GOLGA6A: variants seen among roughly 807,000 people sequenced by gnomAD.
GOLGA6A encodes the protein golgin A6 family member A, also known as golgin subfamily A member 6A.
In GOLGA6A, 1 loss-of-function variant was observed where a neutral mutation model predicts 53.6. The ratio of observed to expected loss-of-function variants is 0.02; its 90% CI spans 0.01 to 0.09. GOLGA6A has a LOEUF of 0.09. Among genes scored for constraint, GOLGA6A ranks in the 10% least tolerant of loss-of-function variants. The pLI is 1.00. For missense variants in GOLGA6A, 23 were observed against 509.4 expected (o/e 0.05, Z 9.19); for synonymous variants, 6 against 201.8 (o/e 0.03, Z 8.22).
rs772678720 is a variant in GOLGA6A at position 74,075,994 on chromosome 15, T to C, written c.565-9A>G. ...TCTCTGCAGCTCGAGGACTGGATGG[T>C]GAAGAGTGAGAAGTTTTGATCTGGG... On this transcript the variant is annotated splice_polypyrimidine_tract_variant and intron_variant, in intron 7 of 17. Coordinates refer to ENST00000290438, the MANE Select transcript of GOLGA6A (RefSeq NM_001038640.2). The C allele has an allele frequency of 1.2e-5, 20 of 1,606,350 alleles. No individual in the cohort carries two copies. The South Asian group carries it at 2.2e-4, about 18-fold the overall frequency.
chr15:74,073,172 A>G (rs1434694893), intron 12 of GOLGA6A, among the ~76,000 whole-genome samples: 1 of 151,678 alleles, frequency 6.6e-6, no homozygotes, highest in Non-Finnish European at 1.5e-5. Context: ...GCTGGCTTCC[A>G]GATTCTGGGC....
In GOLGA6A at chr15:74,071,236, CA is replaced by C; in HGVS notation, c.1841del (p.Val614GlyfsTer43). The C allele has an allele frequency of 9.3e-7, 1 of 1,071,962 alleles. No individual in the cohort carries two copies. The highest frequency in any genetic ancestry group is 1.4e-6 in the Non-Finnish European group (1 of 722,092). The allele number at this position is 1,071,962 out of a possible 1,614,324, so 66.4% of individuals were successfully genotyped here. A position where few individuals can be genotyped will look rare whatever the true frequency, so the allele number is the denominator to read the frequency against. ...LELQELVLPL[V>X]GNHEGHGKFL... Reference sequence around the variant, plus strand: ...ATTTGCCATGCCCCTCATGGTTGCCCACAAGGGGCAACACCAACTCTTGCAG... The same window carrying C: ...ATTTGCCATGCCCCTCATGGTTGCCCCAAGGGGCAACACCAACTCTTGCAG... On this transcript the variant is annotated frameshift_variant, in exon 17 of 18. Coordinates refer to ENST00000290438, the MANE Select transcript of GOLGA6A (RefSeq NM_001038640.2). LOFTEE classifies it high-confidence loss of function.
chr15:74,076,662 C>CACACA (rs1389139330), intron 7 of GOLGA6A, among the ~76,000 whole-genome samples: 4 of 146,008 alleles, frequency 2.7e-5, no homozygotes, highest in Non-Finnish European at 3.0e-5. Context: ...ACACACACAC[C>CACACA]CCTTTCCTCT....
At chr15:74,076,259 T>C (rs2071978257) in intron 7 of GOLGA6A, among the ~76,000 whole-genome samples, 1 of 146,008 alleles carries the variant, frequency 6.8e-6, no homozygotes, top group Non-Finnish European at 1.5e-5. Flanking sequence ...CTTCACCAGG[T>C]TCCATGCTAG....
intron 7 of GOLGA6A, among the ~76,000 whole-genome samples, chr15:74,076,662 C>CACACACA (rs1389139330): frequency 4.1e-4 from 60 of 145,570 alleles, no homozygotes; most frequent in Middle Eastern, 3.8e-3. Flanking sequence ...ACACACACAC[C>CACACACA]CCTTTCCTCT....
rs1433424761 is a variant in GOLGA6A at position 74,072,232 on chromosome 15, T to G, written c.1579A>C (p.Ser527Arg). The change falls in exon 14 of 18, where the codon AGC becomes CGC. Residue 527 changes from serine to arginine, a missense_variant. Physicochemically the swap from Ser to Arg is moderately radical, Grantham distance 110. Coordinates refer to ENST00000290438, the MANE Select transcript of GOLGA6A (RefSeq NM_001038640.2). ...PTPNIPEDLESREATSSFMDL... is the reference protein window; with the variant it reads ...PTPNIPEDLERREATSSFMDL... ...GTCAGGCTCACCGTGGCCTCCCGGCTCTCCAGGTCCTCTGGGATGTTTGGC... is the reference window on the plus strand; with the variant it reads ...GTCAGGCTCACCGTGGCCTCCCGGCGCTCCAGGTCCTCTGGGATGTTTGGC... 6.2e-7 allele frequency: 1 copy of G among 1,608,280 alleles called. No individual in the cohort carries two copies. Among genetic ancestry groups the G allele is most frequent in the Non-Finnish European group, 8.5e-7 (1 of 1,179,034 alleles).
intron 7 of GOLGA6A, among the ~76,000 whole-genome samples, chr15:74,076,623 T>TACACACACACACACAC (rs368556511): frequency 2.8e-5 from 4 of 140,754 alleles, no homozygotes; most frequent in African/African-American, 5.2e-5. Flanking sequence ...ATTATCATAG[T>TACACACACACACACAC]ACACACACAC....
chr15:74,075,964 C>T lies in GOLGA6A; in HGVS notation c.586G>A (p.Val196Ile). 1 of 1,599,318 alleles carries T rather than the reference C, an allele frequency of 6.3e-7. No individual in the cohort carries two copies. Among genetic ancestry groups the T allele is most frequent in the Non-Finnish European group, 8.5e-7 (1 of 1,172,798 alleles). Residue 196 changes from valine to isoleucine, a missense_variant, in exon 8 of 18, where the codon GTC becomes ATC. Transcript: ENST00000290438. ...GTCTGCTGTAACCACCGCTGGAGGA[C>T]CGCTTCTCTGCAGCTCGAGGACTGG... ...EDRSSSCREA[V>I]LQRWLQQTIK... is the part of the protein sequence containing the mutation.
chr15:74,080,311 A>T (rs1359998315), intron 2 of GOLGA6A, among the ~76,000 whole-genome samples: 1 of 152,392 alleles, frequency 6.6e-6, no homozygotes, highest in South Asian at 2.1e-4. Context: ...AACAGCAATG[A>T]CCATTTCCTG....
chr15:74,073,167 C>T (rs1484655343), intron 12 of GOLGA6A, among the ~76,000 whole-genome samples: 1 of 151,696 alleles, frequency 6.6e-6, no homozygotes, highest in East Asian at 1.9e-4. Flanking sequence ...TGGCGGCTGG[C>T]TTCCAGATTC....
intron 2 of GOLGA6A, among the ~76,000 whole-genome samples, chr15:74,079,987 T>TA (rs1389805133): frequency 5.0e-4 from 35 of 70,692 alleles, no homozygotes; most frequent in East Asian, 9.4e-4. Flanking sequence ...CCACCTCCAT[T>TA]AAAAAAAAAC....
At position 74,072,835 on chromosome 15, in the gene GOLGA6A, A is replaced by G; in HGVS notation, c.1426-18T>C. ...AGGTGCTCCTAAGGGGACGGGAAAC[A>G]GAGTGAGAAGGCACGGAGGTTGCCA... is the stretch of plus-strand genomic sequence containing the variant. On this transcript the variant is annotated intron_variant, in intron 12 of 17. Coordinates refer to ENST00000290438, the MANE Select transcript of GOLGA6A (RefSeq NM_001038640.2). 6.3e-7 allele frequency: 1 copy of G among 1,598,036 alleles called. No individual in the cohort carries two copies. Among genetic ancestry groups the G allele is most frequent in the Non-Finnish European group, 8.5e-7 (1 of 1,173,664 alleles).
chr15:74,079,987 TA>T (rs1389805133), intron 2 of GOLGA6A, among the ~76,000 whole-genome samples: 3 of 70,720 alleles, frequency 4.2e-5, no homozygotes, highest in Admixed American at 1.7e-4. Context: ...CCACCTCCAT[TA>T]AAAAAAAACA....
Position 74,074,502 on chromosome 15 carries a change from G to GA in GOLGA6A, c.1346dup (p.Glu450ArgfsTer61). 4.1e-6 allele frequency: 1 copy of GA among 244,450 alleles called. No homozygotes were observed. The highest frequency in any genetic ancestry group is 6.9e-6 in the Non-Finnish European group (1 of 144,812). The allele number at this position is 244,450 out of a possible 1,614,324, so 15.1% of individuals were successfully genotyped here. On this transcript the variant is annotated frameshift_variant, in exon 11 of 18. Transcript: ENST00000290438. LOFTEE classifies it high-confidence loss of function. ...AGGTGGGGCAACCCACCAGATCCTC[G>GA]AAGCTGCACTGTGGCTCGGCCAGCT...
At chr15:74,072,002 C>T (rs1163281262) in intron 14 of GOLGA6A, among the ~76,000 whole-genome samples, 1 of 152,146 alleles carries the variant, frequency 6.6e-6, no homozygotes, top group African/African-American at 2.4e-5. Context: ...GGGGCATAGA[C>T]AGAACAAATG....
At chr15:74,075,233 TG>T (rs1295818226) in intron 10 of GOLGA6A, among the ~76,000 whole-genome samples, 169 bp downstream of exon 10, 1 of 15,642 alleles carries the variant, frequency 6.4e-5, no homozygotes, top group African/African-American at 6.0e-4. Flanking sequence ...TCTTTGCTGA[TG>T]GGGACCCTGA....
At position 74,070,958 on chromosome 15, in the gene GOLGA6A, G is replaced by C. The variant is rs1216578212; in HGVS notation, c.2034C>G (p.Pro678=). The C allele has an allele frequency of 6.2e-7, 1 of 1,613,764 alleles. No individual in the cohort carries two copies. Among genetic ancestry groups the C allele is most frequent in the African/African-American group, 1.3e-5 (1 of 74,908 alleles). ...AAREGSPHDN[P]TVQQIVQLSP... is the part of the protein sequence containing the mutation. ...ACAGCTGCACGATCTGCTGTACAGTGGGGTTGTCATGGGGAGAACCCTCCC... is the reference window on the plus strand; with the variant it reads ...ACAGCTGCACGATCTGCTGTACAGTCGGGTTGTCATGGGGAGAACCCTCCC... Residue 678 remains proline, a synonymous_variant, in exon 18 of 18, where the codon CCC becomes CCG. Transcript: ENST00000290438.
Position 74,070,929 on chromosome 15 carries a change from G to A in GOLGA6A, c.2063C>T (p.Pro688Leu). ...PTVQQIVQLS[P>L]VMQDT ...GTGCTCCTAGGTGTCCTGCATGACA[G>A]GAGACAGCTGCACGATCTGCTGTAC... The change falls in exon 18 of 18, where the codon CCT becomes CTT. Residue 688 changes from proline (P) to leucine (L), a missense_variant. Transcript: ENST00000290438. 1 of 1,611,990 alleles carries A rather than the reference G, an allele frequency of 6.2e-7. No individual in the cohort carries two copies. The highest frequency in any genetic ancestry group is 1.3e-5 in the African/African-American group (1 of 74,890).
At chr15:74,076,390 C>T (rs1285678663) in intron 7 of GOLGA6A, among the ~76,000 whole-genome samples, 626 of 120,616 alleles carry the variant, frequency 5.2e-3, no homozygotes, top group East Asian at 0.033. Flanking sequence ...TTAGACAGAG[C>T]TGGGATTTGA....
Sources: gnomAD v4.1 joint callset for allele counts (sites outside exome capture counted in the v4.1 genomes callset) on GRCh38, gnomAD v4.1.1 for gene constraint, MANE v1.5 for transcripts, NCBI Gene and HGNC (gene_info 2026-07-23, HGNC 2026-07-21) for gene names.